The following SFMBT1 variants were observed in gnomAD, a reference collection of about 807,000 sequenced individuals.
The protein encoded by SFMBT1 is scm-like with four MBT domains protein 1.
SFMBT1 carries 32 observed loss-of-function variants against 108.7 expected under a neutral mutation model. The observed-to-expected ratio is 0.29, with a 90% CI of 0.22 to 0.40. The LOEUF (loss-of-function observed/expected upper bound fraction) is 0.40, where lower values mean the gene tolerates loss of function less well. Ranked by LOEUF, SFMBT1 falls within the 10% of genes least tolerant of loss-of-function variation. The pLI, the probability that SFMBT1 is intolerant of heterozygous loss-of-function variation, is 1.00. For missense variants in SFMBT1, 816 were observed against 1,059.6 expected, an observed-to-expected ratio of 0.77 and a Z score of 3.19; for synonymous variants, 348 against 369.5, an observed-to-expected ratio of 0.94 and a Z score of 0.67.
intron 1 of SFMBT1, among the ~76,000 whole-genome samples, chr3:53,030,595 CAG>C (rs559980572): frequency 6.4e-4 from 93 of 145,450 alleles, no homozygotes; most frequent in African/African-American, 2.1e-3. Flanking sequence ...TTCAGTAAAA[CAG>C]GGGAGACTGG....
intron 1 of SFMBT1, among the ~76,000 whole-genome samples, chr3:53,042,775 T>C (rs1700098973): frequency 7.0e-6 from 1 of 143,494 alleles, no homozygotes; most frequent in South Asian, 2.1e-4. Flanking sequence ...AGATTTTAAA[T>C]TAAACAATCT....
chr3:52,977,164 T>C (rs1318497378), intron 1 of SFMBT1, among the ~76,000 whole-genome samples: 1 of 152,126 alleles, frequency 6.6e-6, no homozygotes, highest in African/African-American at 2.4e-5. Flanking sequence ...AACATCCCCA[T>C]GTGTACAAAG....
intron 7 of SFMBT1, 126 bp downstream of exon 7, chr3:52,930,815 C>T (rs1702832730): frequency 4.2e-6 from 3 of 706,414 alleles, no homozygotes; most frequent in African/African-American, 1.8e-5. Flanking sequence ...CCTTAACACA[C>T]CCTCCTCCTT....
At chr3:52,916,576 G>A (rs1702363518) in intron 13 of SFMBT1, among the ~76,000 whole-genome samples, 1 of 151,644 alleles carries the variant, frequency 6.6e-6, no homozygotes, top group African/African-American at 2.4e-5. Context: ...GGCTGAGGGA[G>A]GAGAATGGCG....
At chr3:52,951,112 A>G in intron 3 of SFMBT1, among the ~76,000 whole-genome samples, 1 of 67,866 alleles carries the variant, frequency 1.5e-5, no homozygotes, top group Admixed American at 1.4e-4. Context: ...CAAGACTCTT[A>G]TCTTAAAAAA....
At chr3:53,015,327 A>C (rs1304722188) in intron 1 of SFMBT1, among the ~76,000 whole-genome samples, 2 of 152,216 alleles carry the variant, frequency 1.3e-5, no homozygotes, top group African/African-American at 2.4e-5. Context: ...GGATGTGGAG[A>C]AACCAGAAGG....
At chr3:52,994,160 GAAA>G (rs1331940577) in intron 1 of SFMBT1, among the ~76,000 whole-genome samples, 2 of 150,376 alleles carry the variant, frequency 1.3e-5, no homozygotes. Context: ...TAATGCATTA[GAAA>G]AAATACCTAC....
At chr3:52,996,501 C>T (rs1698337055) in intron 1 of SFMBT1, among the ~76,000 whole-genome samples, 1 of 149,958 alleles carries the variant, frequency 6.7e-6, no homozygotes, top group Non-Finnish European at 1.5e-5. Flanking sequence ...GCATGAGGCA[C>T]CACACCCGGA....
At chr3:53,008,138 T>C (rs1378250046) in intron 1 of SFMBT1, among the ~76,000 whole-genome samples, 1 of 151,570 alleles carries the variant, frequency 6.6e-6, no homozygotes, top group East Asian at 1.9e-4. Context: ...CAAACTTGAA[T>C]GGGGAATGGG....
At chr3:52,960,343 A>C (rs1426186277) in intron 2 of SFMBT1, among the ~76,000 whole-genome samples, 1 of 152,246 alleles carries the variant, frequency 6.6e-6, no homozygotes. Flanking sequence ...AAAGAGGCTT[A>C]AACTGTATTA....
Position 52,954,290 on chromosome 3 carries a change from A to G in SFMBT1, c.123+27T>C, listed in dbSNP as rs759301206. ...ATTCGAAATAAAGGGATATAACACC[A>G]GTAAGGCAAATATAGTTATTGCTTA... On this transcript the variant is annotated intron_variant, in intron 3 of 20. Coordinates refer to ENST00000394752, the MANE Select transcript of SFMBT1 (RefSeq NM_016329.4). The G allele has an allele frequency of 6.7e-6, 10 of 1,492,002 alleles. No individual in the cohort carries two copies. The Admixed American group carries it at 1.0e-4, about 16-fold the overall frequency. The allele number at this position is 1,492,002 out of a possible 1,614,324, so 92.4% of individuals were successfully genotyped here. A position where few individuals can be genotyped will look rare whatever the true frequency, so the allele number is the denominator to read the frequency against.
chr3:52,963,732 G>A (rs1264460157), intron 2 of SFMBT1, among the ~76,000 whole-genome samples: 2 of 152,090 alleles, frequency 1.3e-5, no homozygotes, highest in East Asian at 3.8e-4. Context: ...GATTACAGGC[G>A]TGAGCCACCG....
intron 1 of SFMBT1, among the ~76,000 whole-genome samples, chr3:52,991,971 G>A (rs961789394): frequency 6.6e-6 from 1 of 152,208 alleles, no homozygotes; most frequent in African/African-American, 2.4e-5. Context: ...CCCCGAGGAG[G>A]AGATTGTCCA....
At chr3:52,991,807 G>C (rs1186590842) in intron 1 of SFMBT1, among the ~76,000 whole-genome samples, 2 of 152,078 alleles carry the variant, frequency 1.3e-5, no homozygotes, top group Admixed American at 1.3e-4. Context: ...CCATCAATGA[G>C]GAATGGCACC....
intron 2 of SFMBT1, among the ~76,000 whole-genome samples, chr3:52,957,316 TGA>T (rs1433179455): frequency 1.3e-5 from 2 of 152,108 alleles, no homozygotes; most frequent in South Asian, 2.1e-4. Flanking sequence ...CTCGAGGAAA[TGA>T]GAGAGGACAC....
chr3:52,985,800 C>G (rs896585556), intron 1 of SFMBT1, among the ~76,000 whole-genome samples: 2 of 152,086 alleles, frequency 1.3e-5, no homozygotes, highest in Non-Finnish European at 2.9e-5. Context: ...ATTTGTGTAT[C>G]TAAACATATT....
chr3:52,929,894 T>C (rs1288649807), intron 8 of SFMBT1, among the ~76,000 whole-genome samples: 1 of 152,252 alleles, frequency 6.6e-6, no homozygotes, highest in African/African-American at 2.4e-5. Context: ...CTGGAATACA[T>C]AGCTGGAGCC....
chr3:53,015,582 A>G (rs1032289759), intron 1 of SFMBT1, among the ~76,000 whole-genome samples: 7 of 152,246 alleles, frequency 4.6e-5, no homozygotes, highest in Non-Finnish European at 8.8e-5. Context: ...ATAGCCATAT[A>G]GTAGACTATT....
At chr3:52,923,215 G>T (rs1171870446) in intron 10 of SFMBT1, among the ~76,000 whole-genome samples, 1 of 152,148 alleles carries the variant, frequency 6.6e-6, no homozygotes, top group Non-Finnish European at 1.5e-5. Flanking sequence ...TGTGTGTGTG[G>T]GGGGTGGATT....
Sources: gnomAD v4.1 joint callset for allele counts (sites outside exome capture counted in the v4.1 genomes callset) on GRCh38, gnomAD v4.1.1 for gene constraint, MANE v1.5 for transcripts, NCBI Gene and HGNC (gene_info 2026-07-23, HGNC 2026-07-21) for gene names.